Variants in RELN observed in about 807,000 individuals in gnomAD.
The protein encoded by RELN is reelin.
RELN carries 108 observed loss-of-function variants against 427.6 expected under a neutral mutation model. That is an observed-to-expected ratio of 0.25 (90% confidence interval 0.22 to 0.30). The LOEUF is 0.30. RELN is among the 10% of genes least tolerant of loss of function. The probability of loss-of-function intolerance (pLI) is 1.00; values close to 1 mark genes in which losing one functional copy is unlikely to be tolerated. For missense variants in RELN, 3,715 were observed against 4,302.8 expected (o/e 0.86, Z 3.82); for synonymous variants, 1,524 against 1,513.4 (o/e 1.01, Z -0.16).
At chr7:103,621,784 G>A (rs1172657736) in intron 20 of RELN, among the ~76,000 whole-genome samples, 1 of 152,202 alleles carries the variant, frequency 6.6e-6, no homozygotes, top group African/African-American at 2.4e-5. Flanking sequence ...GGGAGGCAGA[G>A]GCAGGTGGAT....
chr7:103,871,266 G>GA (rs3216272), intron 2 of RELN, among the ~76,000 whole-genome samples: 121,651 of 151,934 alleles, frequency 0.8, 48,776 homozygotes, highest in South Asian at 0.9. Context: ...ATAAATGAAT[G>GA]AAAGAAACCA....
At chr7:103,749,828 T>C (rs1008051857) in intron 5 of RELN, among the ~76,000 whole-genome samples, 2 of 152,212 alleles carry the variant, frequency 1.3e-5, no homozygotes, top group Non-Finnish European at 2.9e-5. Context: ...TCCTTCAGTA[T>C]GTCTTGGCTG....
At chr7:103,918,941 C>T (rs116038219) in intron 1 of RELN, among the ~76,000 whole-genome samples, 5 of 151,996 alleles carry the variant, frequency 3.3e-5, no homozygotes, top group African/African-American at 7.2e-5. Flanking sequence ...TATGCTTACA[C>T]GAATCATCTA....
At chr7:103,617,918 C>A (rs1416812045) in intron 20 of RELN, among the ~76,000 whole-genome samples, 1 of 152,100 alleles carries the variant, frequency 6.6e-6, no homozygotes, top group Non-Finnish European at 1.5e-5. Flanking sequence ...TCCCTGCCCT[C>A]TCTCCTGCTT....
chr7:103,673,735 A>T (rs962517009), intron 11 of RELN, among the ~76,000 whole-genome samples: 1 of 151,990 alleles, frequency 6.6e-6, no homozygotes, highest in African/African-American at 2.4e-5. Flanking sequence ...CAGAACTTCA[A>T]GATAACTGCT....
rs368098458 is a variant in RELN at position 103,824,627 on chromosome 7, A to AGTGTGTGTGTGTGTGT, written c.473+8894_473+8909dup. On this transcript the variant is annotated intron_variant, in intron 3 of 64. Coordinates refer to ENST00000428762, the MANE Select transcript of RELN (RefSeq NM_005045.4). The surrounding 1 kb of genome is among the most constrained non-coding windows in gnomAD (Gnocchi z 4.4). ...GTGTTTTCACTTTCTTTCAAAACAGAGTGTGTGTGTGTGTGTGTGTGTGTG... is the reference window on the plus strand; with the variant it reads ...GTGTTTTCACTTTCTTTCAAAACAGAGTGTGTGTGTGTGTGTGTGTGTGTGTGTGTGTGTGTGTGTG... Among the ~76,000 whole-genome samples, 2,731 of 130,814 alleles carry AGTGTGTGTGTGTGTGT rather than the reference A, an allele frequency of 0.021. 55 individuals are homozygous for AGTGTGTGTGTGTGTGT. Among genetic ancestry groups the AGTGTGTGTGTGTGTGT allele is most frequent in the Admixed American group, 0.027 (337 of 12,548 alleles). The allele number at this position is 130,814 out of a possible 152,430, so 85.8% of individuals were successfully genotyped here. A position where few individuals can be genotyped will look rare whatever the true frequency, so the allele number is the denominator to read the frequency against.
At chr7:103,842,781 G>C (rs542523701) in intron 2 of RELN, among the ~76,000 whole-genome samples, 1 of 152,124 alleles carries the variant, frequency 6.6e-6, no homozygotes, top group Admixed American at 6.5e-5. Flanking sequence ...AAATGGAAGA[G>C]AAACTACCTA....
At chr7:103,630,591 A>G (rs927041833) in intron 19 of RELN, among the ~76,000 whole-genome samples, 2 of 152,300 alleles carry the variant, frequency 1.3e-5, no homozygotes, top group African/African-American at 4.8e-5. Context: ...GCATCTGACA[A>G]ATGGGGAAGA....
intron 22 of RELN, among the ~76,000 whole-genome samples, chr7:103,609,939 A>G (rs1831911053): frequency 6.6e-6 from 1 of 152,172 alleles, no homozygotes; most frequent in South Asian, 2.1e-4. Flanking sequence ...TTATACTTAC[A>G]AGGACCTGGC....
At chr7:103,508,748 G>C (rs918847276) in intron 51 of RELN, among the ~76,000 whole-genome samples, 7 of 152,170 alleles carry the variant, frequency 4.6e-5, no homozygotes, top group Non-Finnish European at 8.8e-5. Context: ...TGTGTATTTA[G>C]AAAACCCCAT....
At chr7:103,746,878 T>A (rs1369906302) in intron 6 of RELN, among the ~76,000 whole-genome samples, 1 of 151,934 alleles carries the variant, frequency 6.6e-6, no homozygotes, top group Non-Finnish European at 1.5e-5. Context: ...GATCTAGAAC[T>A]AGAAATACCA....
chr7:103,897,813 G>C (rs755602438), intron 2 of RELN, among the ~76,000 whole-genome samples: 1 of 151,906 alleles, frequency 6.6e-6, no homozygotes, highest in Non-Finnish European at 1.5e-5. Context: ...CCAATCCGTG[G>C]ATCCATATTT....
intron 3 of RELN, among the ~76,000 whole-genome samples, chr7:103,799,269 G>T (rs145810179): frequency 5.9e-5 from 9 of 152,028 alleles, no homozygotes; most frequent in Non-Finnish European, 1.3e-4. Context: ...TGATAAAGAT[G>T]GTCTCAAATA....
At chr7:103,653,260 C>T (rs556134535) in intron 13 of RELN, among the ~76,000 whole-genome samples, 5 of 152,144 alleles carry the variant, frequency 3.3e-5, no homozygotes, top group South Asian at 2.1e-4. Context: ...AAGATGACCA[C>T]GGCAGGTATA....
intron 10 of RELN, among the ~76,000 whole-genome samples, chr7:103,688,869 G>A (rs1337942752): frequency 1.3e-5 from 2 of 152,010 alleles, no homozygotes; most frequent in African/African-American, 2.4e-5. Context: ...TTTACCTAAC[G>A]TCTGTTGTCT....
At chr7:103,580,465 T>G (rs1831104577) in intron 28 of RELN, among the ~76,000 whole-genome samples, 3 of 152,256 alleles carry the variant, frequency 2.0e-5, no homozygotes. Context: ...CTCAAAGTAT[T>G]GGCTCACTTT....
chr7:103,820,986 T>C (rs1374222860), intron 3 of RELN, among the ~76,000 whole-genome samples: 11 of 152,086 alleles, frequency 7.2e-5, no homozygotes, highest in Non-Finnish European at 1.2e-4. Context: ...ACTTATTTGT[T>C]AAAAAAAGTC....
chr7:103,954,768 G>T (rs1344883853), intron 1 of RELN, among the ~76,000 whole-genome samples: 1 of 152,112 alleles, frequency 6.6e-6, no homozygotes, highest in African/African-American at 2.4e-5. Flanking sequence ...TTTGTATTCT[G>T]ATAAGCCAAC....
At chr7:103,960,609 T>C (rs114948113) in intron 1 of RELN, among the ~76,000 whole-genome samples, 1,829 of 152,324 alleles carry the variant, frequency 0.012, 41 homozygotes, top group African/African-American at 0.041. Context: ...TGGATAGAAT[T>C]CTCTTTAAAT....
Sources: allele counts gnomAD v4.1 joint callset (sites outside exome capture counted in the v4.1 genomes callset), GRCh38; gene constraint gnomAD v4.1.1; non-coding constraint Gnocchi (gnomAD v3.1); transcripts MANE v1.5; gene names NCBI Gene and HGNC (gene_info 2026-07-23, HGNC 2026-07-21).